TLR4: variants seen among roughly 807,000 people sequenced by gnomAD.
TLR4 encodes the protein toll-like receptor 4.
TLR4 carries 17 observed loss-of-function variants against 27.4 expected under a neutral mutation model. The observed-to-expected ratio is 0.62, with a 90% confidence interval of 0.42 to 0.93. TLR4 has a LOEUF of 0.93. Among genes scored for constraint, TLR4 ranks in the 40% least tolerant of loss-of-function variants. The pLI is 0.00. For missense variants in TLR4, 926 were observed against 962.3 expected (o/e 0.96, Z 0.50); for synonymous variants, 363 against 365.7 (o/e 0.99, Z 0.08).
At chr9:117,712,323 A>G in intron 2 of TLR4, 66 bp from the exon 3 acceptor site, 1 of 1,462,046 alleles carries the variant, frequency 6.8e-7, no homozygotes, top group African/African-American at 1.4e-5. Context: ...GACTAGGATT[A>G]ATATTCTATT....
intron 2 of TLR4, among the ~76,000 whole-genome samples, chr9:117,710,912 A>G (rs1275622754): frequency 1.3e-5 from 2 of 152,134 alleles, no homozygotes; most frequent in Admixed American, 6.5e-5. Context: ...CTCTAAAGTG[A>G]TTATCACCAA....
rs1442134082 is a variant in TLR4 at position 117,718,730 on chromosome 9, T to A, written c.*4082T>A. 6.6e-6 allele frequency: 1 copy of A among 152,186 alleles called. No homozygotes were observed. Among genetic ancestry groups the A allele is most frequent in the Non-Finnish European group, 1.5e-5 (1 of 68,022 alleles). The allele number at this position is 152,186 out of a possible 1,614,324, so 9.4% of individuals were successfully genotyped here. A position where few individuals can be genotyped will look rare whatever the true frequency, so the allele number is the denominator to read the frequency against. On this transcript the variant is annotated 3_prime_UTR_variant, in exon 3 of 3. Transcript: ENST00000355622. Reference sequence around the variant, plus strand: ...ATTGAAAATCATGTATTATGTTCAATACGGGGACACTGTCCTTATGGGTGA... The same window carrying A: ...ATTGAAAATCATGTATTATGTTCAAAACGGGGACACTGTCCTTATGGGTGA...
Position 117,716,741 on chromosome 9 carries a change from T to C in TLR4, c.*2093T>C. On this transcript the variant is annotated 3_prime_UTR_variant, in exon 3 of 3. Coordinates refer to ENST00000355622, the MANE Select transcript of TLR4 (RefSeq NM_138554.5). ...GTTAAGTGTTCTTACCATATACATA[T>C]ACACAAGGAAGCTTTTGGAGGTGAT... is the stretch of plus-strand genomic sequence containing the variant. 1 of 152,230 alleles carries C rather than the reference T, an allele frequency of 6.6e-6. No homozygotes were observed. The highest frequency in any genetic ancestry group is 1.9e-4 in the East Asian group (1 of 5,204). 9.4% of individuals were successfully genotyped at this position (152,230 alleles called of 1,614,324 possible).
Position 117,720,059 on chromosome 9 carries a change from G to A in TLR4, c.*5411G>A, listed in dbSNP as rs573278394. 14 of 151,966 alleles carry A rather than the reference G, an allele frequency of 9.2e-5. No homozygotes were observed. The highest frequency in any genetic ancestry group is 1.8e-4 in the Non-Finnish European group (12 of 68,000). 9.4% of individuals were successfully genotyped at this position (151,966 alleles called of 1,614,324 possible). A position where few individuals can be genotyped will look rare whatever the true frequency, so the allele number is the denominator to read the frequency against. The stretch of plus-strand genomic sequence containing the variant: ...TTTTTTTTAAGTTGCTAAGCTTTTG[G>A]TGCATGTCTGGCACCGTTTTAGTTG... On this transcript the variant is annotated 3_prime_UTR_variant, in exon 3 of 3. Coordinates refer to ENST00000355622, the MANE Select transcript of TLR4 (RefSeq NM_138554.5).
Position 117,713,966 on chromosome 9 carries a change from C to G in TLR4, c.1838C>G (p.Ser613Ter), listed in dbSNP as rs1829292089. The G allele has an allele frequency of 6.2e-7, 1 of 1,614,016 alleles. No individual in the cohort carries two copies. The stretch of plus-strand genomic sequence containing the variant: ...GAACGAATGGAATGTGCAACACCTT[C>G]AGATAAGCAGGGCATGCCTGTGCTG... ...EVERMECATP[S>*]DKQGMPVLSL... Residue 613 changes from serine (S) to a stop codon, truncating the protein, a stop_gained, in exon 3 of 3, where the codon TCA becomes TGA. Coordinates refer to ENST00000355622, the MANE Select transcript of TLR4 (RefSeq NM_138554.5). LOFTEE classifies it high-confidence loss of function.
chr9:117,706,947 T>G (rs1452638363), intron 1 of TLR4, among the ~76,000 whole-genome samples: 1 of 152,222 alleles, frequency 6.6e-6, no homozygotes, highest in African/African-American at 2.4e-5. Flanking sequence ...TGGACTTAAG[T>G]AAACCTTCAT....
In TLR4 at chr9:117,721,799, G is replaced by A. The variant is rs1192961832; in HGVS notation, c.*7151G>A. Reference sequence around the variant, plus strand: ...AGAATAACCACCCACATTTAATATGGTTATTGGTTTTGTTCTTGAGATTTA... The same window carrying A: ...AGAATAACCACCCACATTTAATATGATTATTGGTTTTGTTCTTGAGATTTA... On this transcript the variant is annotated 3_prime_UTR_variant, in exon 3 of 3. Transcript: ENST00000355622. 6.6e-6 allele frequency: 1 copy of A among 152,154 alleles called. No homozygotes were observed. The highest frequency in any genetic ancestry group is 6.5e-5 in the Admixed American group (1 of 15,270). 9.4% of individuals were successfully genotyped at this position (152,154 alleles called of 1,614,324 possible). A position where few individuals can be genotyped will look rare whatever the true frequency, so the allele number is the denominator to read the frequency against.
In TLR4 at chr9:117,716,829, A is replaced by T. The variant is rs1480958432; in HGVS notation, c.*2181A>T. On this transcript the variant is annotated 3_prime_UTR_variant, in exon 3 of 3. Coordinates refer to ENST00000355622, the MANE Select transcript of TLR4 (RefSeq NM_138554.5). ...CAGGTATGTGACTATGTCTAAACTCATCAAATTGTATACATTAAATATATG... is the reference window on the plus strand; with the variant it reads ...CAGGTATGTGACTATGTCTAAACTCTTCAAATTGTATACATTAAATATATG... 6.6e-6 allele frequency: 1 copy of T among 152,230 alleles called. No homozygotes were observed. Among genetic ancestry groups the T allele is most frequent in the Non-Finnish European group, 1.5e-5 (1 of 68,038 alleles). The allele number at this position is 152,230 out of a possible 1,614,324, so 9.4% of individuals were successfully genotyped here. A position where few individuals can be genotyped will look rare whatever the true frequency, so the allele number is the denominator to read the frequency against.
chr9:117,713,101 G>C lies in TLR4; in HGVS notation c.973G>C (p.Asp325His). 1 of 1,612,524 alleles carries C rather than the reference G, an allele frequency of 6.2e-7. No individual in the cohort carries two copies. The highest frequency in any genetic ancestry group is 8.5e-7 in the Non-Finnish European group (1 of 1,179,012). The change falls in exon 3 of 3, where the codon GAC (aspartate) becomes CAC (histidine). Residue 325 changes from aspartate (D) to histidine (H), a missense_variant. Asp to His is a moderately conservative substitution (Grantham distance 81, BLOSUM62 -1). Transcript: ENST00000355622. Reference protein sequence around the residue: ...LVSVTIERVKDFSYNFGWQHL... With the variant: ...LVSVTIERVKHFSYNFGWQHL... ...GAGTGTGACTATTGAAAGGGTAAAA[G>C]ACTTTTCTTATAATTTCGGATGGCA... is the stretch of plus-strand genomic sequence containing the variant.
chr9:117,713,098 A>G lies in TLR4; in HGVS notation c.970A>G (p.Lys324Glu). 1 of 1,612,734 alleles carries G rather than the reference A, an allele frequency of 6.2e-7. No individual in the cohort carries two copies. Among genetic ancestry groups the G allele is most frequent in the South Asian group, 1.1e-5 (1 of 90,962 alleles). Residue 324 changes from lysine (K) to glutamate (E), a missense_variant, in exon 3 of 3, where the codon AAA becomes GAA. Coordinates refer to ENST00000355622, the MANE Select transcript of TLR4 (RefSeq NM_138554.5). ...GGTGAGTGTGACTATTGAAAGGGTA[A>G]AAGACTTTTCTTATAATTTCGGATG... The part of the protein sequence containing the change: ...SLVSVTIERV[K>E]DFSYNFGWQH...
At position 117,714,792 on chromosome 9, in the gene TLR4, C is replaced by T. The variant is rs1255892876; in HGVS notation, c.*144C>T. 1.3e-6 allele frequency: 1 copy of T among 749,428 alleles called. No individual in the cohort carries two copies. The highest frequency in any genetic ancestry group is 2.1e-5 in the Admixed American group (1 of 48,564). The allele number at this position is 749,428 out of a possible 1,614,324, so 46.4% of individuals were successfully genotyped here. ...ATGGTGCACTAGATATGCAGGGCTG[C>T]TAATCTCAAGGAGCTTCCAGTGCAG... On this transcript the variant is annotated 3_prime_UTR_variant, in exon 3 of 3. Coordinates refer to ENST00000355622, the MANE Select transcript of TLR4 (RefSeq NM_138554.5).
chr9:117,708,079 T>C (rs867982558), intron 1 of TLR4: 9 of 506,166 alleles, frequency 1.8e-5, no homozygotes, highest in African/African-American at 1.7e-4. Context: ...CCAATTTTAG[T>C]GTATGTGCTA....
chr9:117,714,331 G>A lies in TLR4; in HGVS notation c.2203G>A (p.Val735Ile). 1 of 1,599,094 alleles carries A rather than the reference G, an allele frequency of 6.3e-7. No individual in the cohort carries two copies. Among genetic ancestry groups the A allele is most frequent in the Non-Finnish European group, 8.6e-7 (1 of 1,168,154 alleles). ...TTTCCATAAAAGCCGAAAGGTGATT[G>A]TTGTGGTGTCCCAGCACTTCATCCA... ...EGFHKSRKVI[V>I]VVSQHFIQSR... The change falls in exon 3 of 3, where the codon GTT becomes ATT. Residue 735 changes from valine (V) to isoleucine (I), a missense_variant. By Grantham distance (29) the Val-to-Ile change is conservative. Transcript: ENST00000355622.
In TLR4 at chr9:117,714,726, G is replaced by T; in HGVS notation, c.*78G>T. 8.0e-7 allele frequency: 1 copy of T among 1,246,946 alleles called. No individual in the cohort carries two copies. The highest frequency in any genetic ancestry group is 2.4e-5 in the East Asian group (1 of 42,236). 77.2% of individuals were successfully genotyped at this position (1,246,946 alleles called of 1,614,324 possible). ...CTTGTTCAGTTAATAAGTATTAAAT[G>T]CTGCCACATGTCAGGCCTTATGCTA... is the stretch of plus-strand genomic sequence containing the variant. On this transcript the variant is annotated 3_prime_UTR_variant, in exon 3 of 3. Transcript: ENST00000355622.
intron 1 of TLR4, among the ~76,000 whole-genome samples, chr9:117,706,718 C>T (rs11536867): frequency 1.8e-4 from 28 of 152,172 alleles, no homozygotes; most frequent in African/African-American, 6.5e-4. Context: ...ACTTTAAAAT[C>T]TTCCTTTTCT....
rs1829241995 is a variant in TLR4, at chr9:117,712,167, C to CA, written c.261-216dup. Reference sequence around the variant, plus strand: ...TGCTTATCATGTATGCCTAACATGACAAAAAAGAGCCTATCATTGCAGCCA... The same window carrying CA: ...TGCTTATCATGTATGCCTAACATGACAAAAAAAGAGCCTATCATTGCAGCCA... On this transcript the variant is annotated intron_variant, in intron 2 of 2. Transcript: ENST00000355622. Among the ~76,000 whole-genome samples, 3 of 151,994 alleles carry CA rather than the reference C, an allele frequency of 2.0e-5. 1 individual carries two copies.
chr9:117,708,429 G>A, intron 1 of TLR4, 134 bp from the exon 2 acceptor site: 3 of 1,560,154 alleles, frequency 1.9e-6, no homozygotes, highest in Non-Finnish European at 2.6e-6. Flanking sequence ...TGGAAGGATG[G>A]ACAGATGGAT....
Position 117,712,439 on chromosome 9 carries a change from T to C in TLR4, c.311T>C (p.Leu104Pro). 6.2e-7 allele frequency: 1 copy of C among 1,613,908 alleles called. No individual in the cohort carries two copies. Among genetic ancestry groups the C allele is most frequent in the South Asian group, 1.1e-5 (1 of 91,080 alleles). Reference protein sequence around the residue: ...EDGAYQSLSHLSTLILTGNPI... With the variant: ...EDGAYQSLSHPSTLILTGNPI... ...GGGGCATATCAGAGCCTAAGCCACC[T>C]CTCTACCTTAATATTGACAGGAAAC... The change falls in exon 3 of 3, where the codon CTC becomes CCC. Residue 104 changes from leucine (L) to proline (P), a missense_variant. Physicochemically the swap from Leu to Pro is moderately conservative, Grantham distance 98. Coordinates refer to ENST00000355622, the MANE Select transcript of TLR4 (RefSeq NM_138554.5).
chr9:117,714,006 C>T lies in TLR4; in HGVS notation c.1878C>T (p.Thr626=). Reference sequence around the variant, plus strand: ...TGCCTGTGCTGAGTTTGAATATCACCTGTCAGATGAATAAGACCATCATTG... The same window carrying T: ...TGCCTGTGCTGAGTTTGAATATCACTTGTCAGATGAATAAGACCATCATTG... ...QGMPVLSLNI[T]CQMNKTIIGV... The change falls in exon 3 of 3, where the codon ACC becomes ACT. Residue 626 remains threonine (T), a synonymous_variant. Coordinates refer to ENST00000355622, the MANE Select transcript of TLR4 (RefSeq NM_138554.5). 6.2e-7 allele frequency: 1 copy of T among 1,613,968 alleles called. No homozygotes were observed. The highest frequency in any genetic ancestry group is 8.5e-7 in the Non-Finnish European group (1 of 1,179,996).
Sources: gnomAD v4.1 joint callset for allele counts (sites outside exome capture counted in the v4.1 genomes callset) on GRCh38, gnomAD v4.1.1 for gene constraint, MANE v1.5 for transcripts, NCBI Gene and HGNC (gene_info 2026-07-23, HGNC 2026-07-21) for gene names.